FRMPD4: variants seen among roughly 807,000 people sequenced by gnomAD.
FRMPD4 encodes the protein FERM and PDZ domain containing 4.
FRMPD4 carries 22 observed loss-of-function variants against 94.1 expected under a neutral mutation model. The ratio of observed to expected loss-of-function variants is 0.23; its 90% CI spans 0.17 to 0.33. FRMPD4 has a LOEUF of 0.33. Ranked by LOEUF, FRMPD4 falls within the 10% of genes least tolerant of loss-of-function variation. The probability of loss-of-function intolerance (pLI) is 1.00; values close to 1 mark genes in which losing one functional copy is unlikely to be tolerated. For missense variants in FRMPD4, 1,111 were observed against 1,339.9 expected (o/e 0.83, Z 2.67); for synonymous variants, 631 against 548.6 (o/e 1.15, Z -2.10).
intron 3 of FRMPD4, among the ~76,000 whole-genome samples, chrX:12,095,842 C>T (rs778811021): frequency 8.9e-6 from 1 of 112,444 alleles, no homozygotes; most frequent in South Asian, 3.7e-4. Flanking sequence ...TCAATTCTCT[C>T]TTGTCTGGAT....
intron 1 of FRMPD4, among the ~76,000 whole-genome samples, chrX:11,846,386 C>T (rs1050403505): frequency 1.8e-5 from 2 of 110,817 alleles, no homozygotes; most frequent in Admixed American, 1.9e-4. Flanking sequence ...AAAGAGGATA[C>T]AAAGAAATGG....
chrX:12,097,959 T>C (rs2055220683), intron 3 of FRMPD4, among the ~76,000 whole-genome samples: 2 of 112,298 alleles, frequency 1.8e-5, no homozygotes, highest in Middle Eastern at 4.6e-3. Context: ...CTGGGTCTTA[T>C]GATCAATTGT....
intron 1 of FRMPD4, among the ~76,000 whole-genome samples, chrX:12,419,343 T>G (rs2056852956): frequency 8.9e-6 from 1 of 112,247 alleles, no homozygotes; most frequent in East Asian, 2.8e-4. Context: ...TGTCGAGCAA[T>G]GTATTAAAGA....
intron 1 of FRMPD4, among the ~76,000 whole-genome samples, chrX:12,283,107 C>G (rs890821405): frequency 1.2e-4 from 13 of 112,422 alleles, no homozygotes; most frequent in African/African-American, 3.9e-4. Context: ...TGTGGTTTCC[C>G]AGAAGAAAAA....
intron 9 of FRMPD4, among the ~76,000 whole-genome samples, chrX:12,698,438 A>G (rs919536558): frequency 9.0e-6 from 1 of 111,375 alleles, no homozygotes; most frequent in African/African-American, 3.3e-5. Context: ...CAAATACTAT[A>G]GTACTATTGG....
At chrX:12,070,121 AG>A (rs1471428081) in intron 3 of FRMPD4, among the ~76,000 whole-genome samples, 2 of 109,922 alleles carry the variant, frequency 1.8e-5, no homozygotes. Context: ...GATCACATAG[AG>A]AGGGGGAAAT....
chrX:12,312,239 CTTTTTTTTTTTTTTT>C (rs200625685), intron 1 of FRMPD4, among the ~76,000 whole-genome samples: 24,470 of 61,345 alleles, frequency 0.4, 3,249 homozygotes, highest in Admixed American at 0.56. Flanking sequence ...TGCTCCATTA[CTTTTTTTTTTTTTTT>C]TTTTTTTTTT....
At chrX:12,126,306 G>C (rs772507021) in intron 3 of FRMPD4, among the ~76,000 whole-genome samples, 8 of 112,097 alleles carry the variant, frequency 7.1e-5, no homozygotes, top group Non-Finnish European at 1.3e-4. Context: ...AGAATGAATA[G>C]ATAATAATAA....
chrX:11,985,797 A>G (rs1274515608), intron 3 of FRMPD4, among the ~76,000 whole-genome samples: 5 of 112,004 alleles, frequency 4.5e-5, no homozygotes, highest in Admixed American at 9.4e-5. Context: ...TTATGGGGAA[A>G]GCTCCTCTGC....
intron 2 of FRMPD4, among the ~76,000 whole-genome samples, chrX:12,538,595 C>T (rs2148303244): frequency 9.0e-6 from 1 of 111,505 alleles, no homozygotes; most frequent in African/African-American, 3.3e-5. Context: ...AGACTGACAC[C>T]CCACACGGCC....
intron 3 of FRMPD4, among the ~76,000 whole-genome samples, chrX:11,952,432 G>A (rs1230398170): frequency 4.5e-5 from 5 of 112,164 alleles, no homozygotes; most frequent in African/African-American, 1.6e-4. Context: ...TCCTCCTTAA[G>A]TTTGTCTCAG....
intron 3 of FRMPD4, among the ~76,000 whole-genome samples, chrX:12,124,582 T>G (rs778147319): frequency 1.8e-5 from 2 of 112,701 alleles, no homozygotes; most frequent in Non-Finnish European, 3.8e-5. Context: ...GAAACTCTAT[T>G]CTTAAGTAGA....
rs988566371 is a variant in FRMPD4 at position 12,007,166 on chromosome X, A to G, written c.95+129148A>G. Among the ~76,000 whole-genome samples, 24 of 111,311 alleles carry G rather than the reference A, an allele frequency of 2.2e-4. No individual in the cohort carries two copies. The Admixed American group carries it at 2.3e-3, about 11-fold the overall frequency. On this transcript the variant is annotated intron_variant, in intron 3 of 18. Transcript: ENST00000640291. ...TGGAAACACCCATTCTTGGAACCCA[A>G]TCTCCATGCTGTGAGGGAGCCAAAG...
At chrX:12,431,968 C>T (rs2057015383) in intron 1 of FRMPD4, among the ~76,000 whole-genome samples, 1 of 112,015 alleles carries the variant, frequency 8.9e-6, no homozygotes, top group African/African-American at 3.2e-5. Flanking sequence ...AAAGAGAAAA[C>T]AGGCCTACGG....
chrX:11,980,178 AT>A, intron 3 of FRMPD4, among the ~76,000 whole-genome samples: 1 of 111,777 alleles, frequency 8.9e-6, no homozygotes, highest in East Asian at 2.8e-4. Flanking sequence ...GTATTTGAGT[AT>A]TTTGTTGGGT....
At position 11,974,995 on chromosome X, in the gene FRMPD4, G is replaced by C. The variant is rs1283389965; in HGVS notation, c.95+96977G>C. Among the ~76,000 whole-genome samples, 3 of 111,868 alleles carry C rather than the reference G, an allele frequency of 2.7e-5. No homozygotes were observed. The East Asian group carries it at 8.4e-4, about 31-fold the overall frequency. ...AGCAAAGAGTTCCTGAGGATTTTTG[G>C]GGGGCAGGAAAGCAACAGAAGGAGG... On this transcript the variant is annotated intron_variant, in intron 3 of 18. Coordinates refer to the FRMPD4 transcript ENST00000640291.
chrX:12,097,583 C>T (rs1359870508), intron 3 of FRMPD4, among the ~76,000 whole-genome samples: 1 of 112,295 alleles, frequency 8.9e-6, no homozygotes, highest in Non-Finnish European at 1.9e-5. Flanking sequence ...CCCCTGCTTA[C>T]ACATCCAGGT....
At chrX:11,930,107 C>CAAAAAAAAAAA (rs55973946) in intron 3 of FRMPD4, among the ~76,000 whole-genome samples, 1,547 of 13,253 alleles carry the variant, frequency 0.12, 428 homozygotes, top group Middle Eastern at 0.25. Context: ...GACTCTGTCT[C>CAAAAAAAAAAA]AAAAAAAAAA....
intron 2 of FRMPD4, among the ~76,000 whole-genome samples, chrX:12,533,232 T>C (rs547675717): frequency 8.9e-6 from 1 of 112,205 alleles, no homozygotes; most frequent in South Asian, 3.8e-4. Flanking sequence ...AGCTCTCTTG[T>C]CTGCCACCAC....
Sources: allele counts gnomAD v4.1 joint callset (sites outside exome capture counted in the v4.1 genomes callset), GRCh38; gene constraint gnomAD v4.1.1; transcripts MANE v1.5; gene names NCBI Gene and HGNC (gene_info 2026-07-23, HGNC 2026-07-21).